The following OXR1 variants were observed in gnomAD, a reference collection of about 807,000 sequenced individuals.
OXR1 encodes oxidation resistance protein 1.
Under a neutral mutation model 104.6 loss-of-function variants are expected in OXR1, and 41 were observed. The observed-to-expected ratio is 0.39, with a 90% CI of 0.31 to 0.51. The LOEUF (loss-of-function observed/expected upper bound fraction) is 0.51, where lower values mean the gene tolerates loss of function less well. Ranked by LOEUF, OXR1 falls within the 20% of genes least tolerant of loss-of-function variation. The pLI, the probability that OXR1 is intolerant of heterozygous loss-of-function variation, is 0.77. For missense variants in OXR1, 955 were observed against 1,031.9 expected, an observed-to-expected ratio of 0.93 and a Z score of 1.02; for synonymous variants, 348 against 348.4, an observed-to-expected ratio of 1.00 and a Z score of 0.01.
chr8:106,358,140 T>C (rs761646158), intron 1 of OXR1, among the ~76,000 whole-genome samples: 4 of 152,186 alleles, frequency 2.6e-5, no homozygotes, highest in Non-Finnish European at 5.9e-5. Context: ...TGCAGACATA[T>C]TCGCTGGAGC....
At chr8:106,401,279 C>T (rs1817987834) in intron 2 of OXR1, among the ~76,000 whole-genome samples, 1 of 152,216 alleles carries the variant, frequency 6.6e-6, no homozygotes, top group South Asian at 2.1e-4. Context: ...AGTGGTGCAG[C>T]TGTCTGTTCC....
chr8:106,697,296 T>C (rs1830139405), intron 7 of OXR1: 1 of 760,704 alleles, frequency 1.3e-6, no homozygotes, highest in Non-Finnish European at 2.2e-6. Flanking sequence ...TAGGACAGGC[T>C]GAACCCCTCA....
intron 3 of OXR1, among the ~76,000 whole-genome samples, chr8:106,609,133 A>G (rs3110435): frequency 0.6 from 91,596 of 151,876 alleles, 28,794 homozygotes; most frequent in African/African-American, 0.8. Flanking sequence ...GGGCAGTGGG[A>G]CGTGGTGGGT....
chr8:106,314,323 T>G (rs1813837325), intron 1 of OXR1, among the ~76,000 whole-genome samples: 2 of 152,220 alleles, frequency 1.3e-5, no homozygotes, highest in African/African-American at 4.8e-5. Context: ...TAACAGGTGC[T>G]TATTATGGGC....
intron 3 of OXR1, among the ~76,000 whole-genome samples, chr8:106,648,738 G>A (rs189257781): frequency 1.0e-3 from 158 of 151,954 alleles, no homozygotes; most frequent in Admixed American, 3.4e-3. Context: ...CATTTTTTTT[G>A]GAAGTAAATG....
chr8:106,679,231 T>C lies in OXR1; in HGVS notation c.242T>C (p.Leu81Pro). The C allele has an allele frequency of 6.2e-7, 1 of 1,609,570 alleles. No homozygotes were observed. Among genetic ancestry groups the C allele is most frequent in the Non-Finnish European group, 8.5e-7 (1 of 1,176,550 alleles). Residue 81 changes from leucine to proline, a missense_variant, in exon 4 of 17, where the codon CTA (leucine) becomes CCA (proline). Leu to Pro is a moderately conservative substitution (Grantham distance 98). This residue lies in a region of OXR1 where 849 missense variants were observed against 852.9 expected (regional missense o/e 1.00). Coordinates refer to ENST00000517566, the MANE Select transcript of OXR1 (RefSeq NM_001198533.2). ...YTIDTGQKKT[L>P]DKKDGRRMSF... ...CCAGACACTGGCCAAAAGAAGACCC[T>C]AGACAAGAAAGATGGAAGACGAATG...
chr8:106,538,777 G>A (rs933017866), intron 3 of OXR1, among the ~76,000 whole-genome samples: 16 of 146,982 alleles, frequency 1.1e-4, no homozygotes, highest in African/African-American at 4.0e-4. Flanking sequence ...CTTTTTGCAT[G>A]CAGTAAAACA....
At chr8:106,716,769 T>C (rs970748550) in intron 11 of OXR1, among the ~76,000 whole-genome samples, 1 of 152,152 alleles carries the variant, frequency 6.6e-6, no homozygotes, top group African/African-American at 2.4e-5. Context: ...TACATTAGGT[T>C]AAATAAACTA....
intron 2 of OXR1, among the ~76,000 whole-genome samples, chr8:106,411,608 G>T (rs1041268529): frequency 6.6e-6 from 1 of 152,148 alleles, no homozygotes; most frequent in Non-Finnish European, 1.5e-5. Context: ...TTTCTGCTCA[G>T]CAGTAAATAA....
intron 3 of OXR1, among the ~76,000 whole-genome samples, chr8:106,595,835 C>G (rs1462527662): frequency 6.6e-6 from 1 of 152,076 alleles, no homozygotes; most frequent in Admixed American, 6.5e-5. Context: ...ATTCAGTACA[C>G]ATTTGAGTAT....
At chr8:106,309,960 T>C (rs1398769062) in intron 1 of OXR1, among the ~76,000 whole-genome samples, 1 of 151,820 alleles carries the variant, frequency 6.6e-6, no homozygotes, top group Non-Finnish European at 1.5e-5. Flanking sequence ...TTTTAGCTGC[T>C]TTTTCTTCCG....
chr8:106,638,269 C>A (rs1485013861), intron 3 of OXR1, among the ~76,000 whole-genome samples: 1 of 152,120 alleles, frequency 6.6e-6, no homozygotes, highest in African/African-American at 2.4e-5. Context: ...TTCCCAAATT[C>A]TAATTAATCT....
rs1587312035 is a variant in OXR1, at chr8:106,742,390, T to A, written c.2412+73T>A. On this transcript the variant is annotated intron_variant, in intron 15 of 16. Coordinates refer to ENST00000517566, the MANE Select transcript of OXR1 (RefSeq NM_001198533.2). ...ATACTGCCCAAAGCAATTTATAGAT[T>A]CAGTGCTATTCCCATTAAACTACCA... 9.0e-6 allele frequency: 7 copies of A among 780,748 alleles called. No homozygotes were observed. In the East Asian group the frequency reaches 1.6e-4, roughly 18 times the overall value. The allele number at this position is 780,748 out of a possible 1,614,324, so 48.4% of individuals were successfully genotyped here. A position where few individuals can be genotyped will look rare whatever the true frequency, so the allele number is the denominator to read the frequency against.
chr8:106,401,507 T>G (rs1462821081), intron 2 of OXR1, among the ~76,000 whole-genome samples: 3 of 152,136 alleles, frequency 2.0e-5, no homozygotes, highest in African/African-American at 7.2e-5. Context: ...GCTCTGAAAT[T>G]TTAAGGGCCT....
At chr8:106,378,498 C>G (rs1816998969) in intron 2 of OXR1, among the ~76,000 whole-genome samples, 1 of 152,026 alleles carries the variant, frequency 6.6e-6, no homozygotes, top group Non-Finnish European at 1.5e-5. Context: ...TGACATCTGA[C>G]TTTTGTTGTT....
chr8:106,572,043 C>A (rs1817508895), intron 3 of OXR1, among the ~76,000 whole-genome samples: 1 of 152,186 alleles, frequency 6.6e-6, no homozygotes, highest in Admixed American at 6.5e-5. Context: ...TGGCTCTCTG[C>A]AGGGTCCCCA....
chr8:106,440,045 T>A (rs1819723337), intron 2 of OXR1, among the ~76,000 whole-genome samples: 1 of 152,082 alleles, frequency 6.6e-6, no homozygotes, highest in African/African-American at 2.4e-5. Context: ...GACCTTTTAT[T>A]TCATCTTCAA....
At chr8:106,445,413 C>G (rs1271893073) in intron 2 of OXR1, among the ~76,000 whole-genome samples, 1 of 152,148 alleles carries the variant, frequency 6.6e-6, no homozygotes, top group Non-Finnish European at 1.5e-5. Flanking sequence ...CTGCAGGATA[C>G]TGAAGTATAC....
intron 6 of OXR1, among the ~76,000 whole-genome samples, chr8:106,687,947 T>C (rs1828902670): frequency 6.6e-6 from 1 of 152,204 alleles, no homozygotes; most frequent in African/African-American, 2.4e-5. Context: ...GAAACACTAC[T>C]CTTGCCCAAT....
Sources: allele counts gnomAD v4.1 joint callset (sites outside exome capture counted in the v4.1 genomes callset), GRCh38; gene constraint gnomAD v4.1.1; regional missense constraint gnomAD v4.1.1; transcripts MANE v1.5; gene names NCBI Gene and HGNC (gene_info 2026-07-23, HGNC 2026-07-21).